The following ATG7 variants were observed in gnomAD, a reference collection of about 807,000 sequenced individuals.
ATG7 encodes autophagy related 7, also known as ubiquitin-like modifier-activating enzyme ATG7.
Under a neutral mutation model 82.4 loss-of-function variants are expected in ATG7, and 70 were observed. The ratio of observed to expected loss-of-function variants is 0.85; its 90% CI spans 0.70 to 1.04. ATG7 has a LOEUF of 1.04. Among genes scored for constraint, ATG7 ranks in the 50% least tolerant of loss-of-function variants. The probability of loss-of-function intolerance (pLI) is 0.00; values close to 1 mark genes in which losing one functional copy is unlikely to be tolerated. For synonymous variants in ATG7, 287 were observed against 313.0 expected (o/e 0.92, Z 0.88); for missense variants, 792 against 864.3 (o/e 0.92, Z 1.05).
At chr3:11,485,857 T>C (rs961936428) in intron 20 of ATG7, among the ~76,000 whole-genome samples, 6 of 152,184 alleles carry the variant, frequency 3.9e-5, no homozygotes, top group South Asian at 2.1e-4. Flanking sequence ...GTTGTAGATA[T>C]GCGACGTTAT....
chr3:11,519,582 C>T (rs1275791616), intron 20 of ATG7, among the ~76,000 whole-genome samples: 4 of 84,890 alleles, frequency 4.7e-5, no homozygotes, highest in South Asian at 9.9e-4. Flanking sequence ...TTTTTTGAGA[C>T]GGAGTCTCTC....
chr3:11,459,912 C>G (rs939325069), intron 20 of ATG7, among the ~76,000 whole-genome samples: 2 of 152,134 alleles, frequency 1.3e-5, no homozygotes, highest in Non-Finnish European at 2.9e-5. Flanking sequence ...ATTAAAAATC[C>G]TTACAAGAGC....
the ATG7 span, chr3:11,564,776 C>T: frequency 7.2e-6 from 11 of 1,534,552 alleles, no homozygotes; most frequent in African/African-American, 1.4e-5. Context: ...CCCCACGCCA[C>T]CCTCCCAGAC....
intron 20 of ATG7, among the ~76,000 whole-genome samples, chr3:11,498,071 T>C (rs2090996643): frequency 6.6e-6 from 1 of 152,204 alleles, no homozygotes; most frequent in African/African-American, 2.4e-5. Flanking sequence ...GTGGTCAAAT[T>C]AGAATTCAAC....
At chr3:11,532,204 T>C (rs571121459) in intron 20 of ATG7, among the ~76,000 whole-genome samples, 13 of 152,164 alleles carry the variant, frequency 8.5e-5, no homozygotes, top group African/African-American at 2.9e-4. Context: ...GATTTCTGAT[T>C]TGTTGAGCAT....
At chr3:11,404,529 G>T (rs987140168) in intron 19 of ATG7, among the ~76,000 whole-genome samples, 4 of 151,802 alleles carry the variant, frequency 2.6e-5, no homozygotes, top group African/African-American at 4.8e-5. Context: ...CTTAAGGTCA[G>T]CTAGACTGAG....
chr3:11,336,797 C>T lies in ATG7; in HGVS notation c.889+3704C>T, dbSNP rs185897923. ...AAACCATCCCCCCAGCTTAGCTTCC[C>T]GAGTATCTGGGACTACAGGCATGTG... On this transcript the variant is annotated intron_variant, in intron 11 of 20. Transcript: ENST00000693202. Among the ~76,000 whole-genome samples the T allele has an allele frequency of 2.9e-3, 448 of 152,182 alleles. 2 individuals carry two copies. Among genetic ancestry groups the T allele is most frequent in the African/African-American group, 0.01 (429 of 41,526 alleles).
At chr3:11,462,921 T>G (rs1203073716) in intron 20 of ATG7, among the ~76,000 whole-genome samples, 1 of 151,508 alleles carries the variant, frequency 6.6e-6, no homozygotes, top group Non-Finnish European at 1.5e-5. Context: ...GTTTTGCTCT[T>G]GTTGCCCAGG....
intron 18 of ATG7, among the ~76,000 whole-genome samples, chr3:11,377,488 C>T (rs918186008): frequency 3.9e-5 from 6 of 152,136 alleles, no homozygotes; most frequent in Non-Finnish European, 8.8e-5. Flanking sequence ...TCCCTTTCTA[C>T]CCCAACTGGA....
chr3:11,313,638 C>T (rs925849229), intron 8 of ATG7, among the ~76,000 whole-genome samples: 2 of 152,194 alleles, frequency 1.3e-5, no homozygotes, highest in East Asian at 1.9e-4. Flanking sequence ...GTCTCACCCC[C>T]ATTACGCAGG....
At chr3:11,342,801 C>A (rs1242008692) in intron 13 of ATG7, among the ~76,000 whole-genome samples, 1 of 150,850 alleles carries the variant, frequency 6.6e-6, no homozygotes, top group Non-Finnish European at 1.5e-5. Context: ...TATTAGAGAA[C>A]ATTCTTATAC....
At chr3:11,329,566 G>A (rs1333402715) in intron 9 of ATG7, among the ~76,000 whole-genome samples, 1 of 152,112 alleles carries the variant, frequency 6.6e-6, no homozygotes, top group East Asian at 1.9e-4. Flanking sequence ...TTCACCGAGT[G>A]TCTGCTCTGT....
intron 9 of ATG7, among the ~76,000 whole-genome samples, 166 bp downstream of exon 9, chr3:11,315,659 T>C (rs148104445): frequency 1.7e-3 from 262 of 152,354 alleles, no homozygotes; most frequent in African/African-American, 6.0e-3. Flanking sequence ...CCTACAGTTA[T>C]CGAATCAGCT....
intron 20 of ATG7, among the ~76,000 whole-genome samples, chr3:11,540,824 G>A (rs1055071593): frequency 2.0e-5 from 3 of 146,710 alleles, no homozygotes; most frequent in African/African-American, 5.1e-5. Context: ...TGCTTTTAGT[G>A]TCCTAAGAAA....
chr3:11,510,644 T>C (rs1370091580), intron 20 of ATG7, among the ~76,000 whole-genome samples: 1 of 152,196 alleles, frequency 6.6e-6, no homozygotes, highest in Non-Finnish European at 1.5e-5. Context: ...TGTCCTTTCT[T>C]TACATCCTCT....
At chr3:11,338,491 A>G (rs1952920368) in intron 11 of ATG7, among the ~76,000 whole-genome samples, 1 of 106,550 alleles carries the variant, frequency 9.4e-6, no homozygotes, top group Non-Finnish European at 2.4e-5. Context: ...CCCCACAGAA[A>G]AACAATTCTG....
chr3:11,535,713 G>A (rs889796016), intron 20 of ATG7, among the ~76,000 whole-genome samples: 2 of 152,194 alleles, frequency 1.3e-5, no homozygotes, highest in African/African-American at 2.4e-5. Context: ...AGAAGCGGGG[G>A]CGTGCGCTGG....
At chr3:11,395,179 T>C (rs1214265529) in intron 19 of ATG7, among the ~76,000 whole-genome samples, 2 of 151,826 alleles carry the variant, frequency 1.3e-5, no homozygotes, top group African/African-American at 4.8e-5. Flanking sequence ...ATTAGTGAAA[T>C]GGAAAATAGG....
In ATG7 at chr3:11,433,015, G is replaced by GCC. The variant is rs2083045754; in HGVS notation, c.2079+6089_2079+6090insCC. ...CTTTTAAATTGCTGCATTTGGGATGGGTACAGTGGCTTACACCTGAAATCC... is the reference window on the plus strand; with the variant it reads ...CTTTTAAATTGCTGCATTTGGGATGGCCGTACAGTGGCTTACACCTGAAATCC... On this transcript the variant is annotated intron_variant, in intron 20 of 20. Transcript: ENST00000693202. 2.0e-5 allele frequency among the ~76,000 whole-genome samples: 3 copies of GCC among 152,202 alleles called. No individual in the cohort carries two copies. The South Asian group carries it at 6.2e-4, about 32-fold the overall frequency.
Sources: allele counts gnomAD v4.1 joint callset (sites outside exome capture counted in the v4.1 genomes callset), GRCh38; gene constraint gnomAD v4.1.1; transcripts MANE v1.5; gene names NCBI Gene and HGNC (gene_info 2026-07-23, HGNC 2026-07-21).